Variants in C12orf56 observed in about 807,000 individuals in gnomAD.
C12orf56 encodes uncharacterized protein C12orf56.
A neutral mutation model predicts 69.9 loss-of-function variants in C12orf56; 71 were observed. The observed-to-expected ratio is 1.02, with a 90% CI of 0.84 to 1.24. The LOEUF (loss-of-function observed/expected upper bound fraction) is 1.24. Ranked by LOEUF, C12orf56 falls within the 50% of genes most tolerant of loss-of-function variation. The pLI is 0.00. For synonymous variants in C12orf56, 276 were observed against 274.1 expected (o/e 1.01, Z -0.07); for missense variants, 732 against 738.5 (o/e 0.99, Z 0.10).
rs1234295916 is a variant in C12orf56, at chr12:64,390,644, C to T, written c.-79G>A. ...CTCTCCCCGCCCCCGCGCTGGAACC[C>T]GCGCGCCACAAAGCCGCCGGCCACG... On this transcript the variant is annotated 5_prime_UTR_variant, in exon 1 of 13. Transcript: ENST00000543942. 2.2e-6 allele frequency: 3 copies of T among 1,377,918 alleles called. No individual in the cohort carries two copies. In the East Asian group the frequency reaches 8.9e-5, roughly 41 times the overall value. The allele number at this position is 1,377,918 out of a possible 1,614,324, so 85.4% of individuals were successfully genotyped here. A position where few individuals can be genotyped will look rare whatever the true frequency, so the allele number is the denominator to read the frequency against.
chr12:64,320,098 TC>T (rs2038751871), intron 3 of C12orf56, among the ~76,000 whole-genome samples: 2 of 152,238 alleles, frequency 1.3e-5, no homozygotes, highest in East Asian at 3.9e-4. Flanking sequence ...TTGCCATTGT[TC>T]CTGCACAGCT....
Position 64,270,577 on chromosome 12 carries a change from A to G in C12orf56, c.1722T>C (p.Thr574=). ...ILKSCLRHSR[T]LAEYIRNNYR... is the part of the protein sequence containing the mutation. ...AGTTATTCCTAATATACTCAGCTAG[A>G]GTCCTGCTGTGCCGCAGACAGCTCT... Residue 574 remains threonine (T), a synonymous_variant, in exon 12 of 13, where the codon ACT becomes ACC. Coordinates refer to ENST00000543942, the MANE Select transcript of C12orf56 (RefSeq NM_001170633.2). 1 of 1,611,136 alleles carries G rather than the reference A, an allele frequency of 6.2e-7. No homozygotes were observed.
intron 5 of C12orf56, among the ~76,000 whole-genome samples, chr12:64,311,247 C>G (rs186029558): frequency 1.1e-3 from 165 of 151,874 alleles, no homozygotes; most frequent in African/African-American, 3.9e-3. Flanking sequence ...CCAGCCTGGC[C>G]AACATGGTGA....
At chr12:64,367,298 A>ATATATTATATATAATATATAGTT (rs2039508823) in intron 1 of C12orf56, among the ~76,000 whole-genome samples, 1 of 142,856 alleles carries the variant, frequency 7.0e-6, no homozygotes, top group Non-Finnish European at 1.5e-5. Flanking sequence ...TATACAGTTT[A>ATATATTATATATAATATATAGTT]TATATTATAT....
chr12:64,348,945 C>G (rs1453146522), intron 2 of C12orf56, among the ~76,000 whole-genome samples: 1 of 152,082 alleles, frequency 6.6e-6, no homozygotes, highest in Non-Finnish European at 1.5e-5. Context: ...AAATATCAAG[C>G]AAAACAAGAG....
At chr12:64,380,128 A>G (rs1309161427) in intron 1 of C12orf56, among the ~76,000 whole-genome samples, 1 of 50,236 alleles carries the variant, frequency 2.0e-5, no homozygotes, top group Non-Finnish European at 5.7e-5. Context: ...AAAAAAAAAA[A>G]AAAAAACAAA....
intron 6 of C12orf56, among the ~76,000 whole-genome samples, chr12:64,299,271 T>G (rs1169191507): frequency 5.3e-5 from 8 of 152,202 alleles, no homozygotes; most frequent in African/African-American, 1.9e-4. Context: ...TTGATAAGCT[T>G]AAGGAGATTT....
chr12:64,388,368 T>G (rs1592511883), intron 1 of C12orf56, among the ~76,000 whole-genome samples: 1 of 152,308 alleles, frequency 6.6e-6, no homozygotes, highest in East Asian at 1.9e-4. Flanking sequence ...CACTTCAGCC[T>G]ATGAAGTAGC....
chr12:64,342,922 A>ATG (rs2039093791), intron 2 of C12orf56, among the ~76,000 whole-genome samples: 5 of 152,184 alleles, frequency 3.3e-5, no homozygotes, highest in Admixed American at 2.6e-4. Context: ...TGGATCTGCC[A>ATG]GGTCATATGG....
At chr12:64,311,811 A>C (rs1185293803) in intron 5 of C12orf56, among the ~76,000 whole-genome samples, 1 of 152,182 alleles carries the variant, frequency 6.6e-6, no homozygotes, top group Non-Finnish European at 1.5e-5. Context: ...CCCGGGAGGA[A>C]TTACATGATC....
intron 3 of C12orf56, among the ~76,000 whole-genome samples, chr12:64,327,926 A>T (rs893931751): frequency 3.3e-5 from 5 of 152,192 alleles, no homozygotes; most frequent in Admixed American, 2.6e-4. Flanking sequence ...CAATTTTCTT[A>T]TCCAGAATAA....
intron 1 of C12orf56, among the ~76,000 whole-genome samples, chr12:64,383,988 T>C (rs1417097255): frequency 6.6e-6 from 1 of 152,230 alleles, no homozygotes; most frequent in East Asian, 1.9e-4. Flanking sequence ...GAGTCCTTCA[T>C]ATTTCTGCAA....
intron 3 of C12orf56, among the ~76,000 whole-genome samples, chr12:64,324,566 C>T (rs754388098): frequency 6.6e-6 from 1 of 152,152 alleles, no homozygotes; most frequent in African/African-American, 2.4e-5. Flanking sequence ...AGTGCTCCAA[C>T]TATTGAGATG....
chr12:64,303,563 T>A, intron 6 of C12orf56, 72 bp downstream of exon 6: 9 of 1,221,760 alleles, frequency 7.4e-6, no homozygotes, highest in Non-Finnish European at 1.0e-5. Context: ...TTATTTATAT[T>A]TTAATGTATG....
chr12:64,340,981 T>A (rs982467617), intron 2 of C12orf56, among the ~76,000 whole-genome samples: 5 of 152,188 alleles, frequency 3.3e-5, no homozygotes, highest in Admixed American at 1.3e-4. Flanking sequence ...CTAATGGATC[T>A]CCTGTATTCC....
intron 1 of C12orf56, among the ~76,000 whole-genome samples, chr12:64,386,886 C>G (rs2135991551): frequency 7.4e-6 from 1 of 134,894 alleles, no homozygotes; most frequent in Non-Finnish European, 1.7e-5. Flanking sequence ...TGAGACCAGC[C>G]TGACCAACAT....
At chr12:64,377,495 C>T (rs930345753) in intron 1 of C12orf56, among the ~76,000 whole-genome samples, 4 of 152,058 alleles carry the variant, frequency 2.6e-5, no homozygotes, top group African/African-American at 9.7e-5. Context: ...GGCCTCTTGG[C>T]CCACTTTTTA....
intron 2 of C12orf56, among the ~76,000 whole-genome samples, chr12:64,346,550 A>C (rs2039145276): frequency 6.6e-6 from 1 of 152,158 alleles, no homozygotes; most frequent in Admixed American, 6.5e-5. Context: ...ATTTTTATGG[A>C]GGTTTCATTA....
At chr12:64,381,132 G>A (rs1256491708) in intron 1 of C12orf56, among the ~76,000 whole-genome samples, 3 of 152,046 alleles carry the variant, frequency 2.0e-5, no homozygotes, top group Non-Finnish European at 2.9e-5. Flanking sequence ...GATAATTTTG[G>A]GTGGGGGCAG....
Sources: allele counts gnomAD v4.1 joint callset (sites outside exome capture counted in the v4.1 genomes callset), GRCh38; gene constraint gnomAD v4.1.1; transcripts MANE v1.5; gene names NCBI Gene and HGNC (gene_info 2026-07-23, HGNC 2026-07-21).